The following SUPT3H variants were observed in gnomAD, a reference collection of about 807,000 sequenced individuals.
SUPT3H encodes SPT3 homolog, SAGA and STAGA complex component, also known as transcription initiation protein SPT3 homolog.
In SUPT3H, 44 loss-of-function variants were observed where a neutral mutation model predicts 44.3. The ratio of observed to expected loss-of-function variants is 0.99; its 90% confidence interval spans 0.78 to 1.28. The LOEUF (loss-of-function observed/expected upper bound fraction) is 1.28. Ranked by LOEUF, SUPT3H falls within the 50% of genes most tolerant of loss-of-function variation. The probability of loss-of-function intolerance (pLI) is 0.00; values close to 1 mark genes in which losing one functional copy is unlikely to be tolerated. For missense variants in SUPT3H, 380 were observed against 387.1 expected, an observed-to-expected ratio of 0.98 and a Z score of 0.15; for synonymous variants, 124 against 125.6, an observed-to-expected ratio of 0.99 and a Z score of 0.09.
chr6:45,277,307 AG>A (rs1361099548), intron 2 of SUPT3H, among the ~76,000 whole-genome samples: 1 of 152,208 alleles, frequency 6.6e-6, no homozygotes, highest in African/African-American at 2.4e-5. Flanking sequence ...TCCTTTACAA[AG>A]AAAAGGAGGT....
At chr6:45,337,156 A>T (rs1788736700) in intron 2 of SUPT3H, among the ~76,000 whole-genome samples, 1 of 151,772 alleles carries the variant, frequency 6.6e-6, no homozygotes, top group African/African-American at 2.4e-5. Context: ...TGAACTGCCC[A>T]TATGAACAGA....
intron 2 of SUPT3H, among the ~76,000 whole-genome samples, chr6:45,209,259 T>A (rs971709791): frequency 6.6e-6 from 1 of 152,144 alleles, no homozygotes; most frequent in African/African-American, 2.4e-5. Context: ...ACTTTCGAAA[T>A]CTATTTCATG....
At chr6:45,187,064 G>A (rs1218822343) in intron 2 of SUPT3H, among the ~76,000 whole-genome samples, 1 of 143,274 alleles carries the variant, frequency 7.0e-6, no homozygotes, top group Non-Finnish European at 1.5e-5. Context: ...GAGCCCTGGA[G>A]TCCAGCCTGG....
intron 2 of SUPT3H, among the ~76,000 whole-genome samples, chr6:45,215,753 G>C (rs986729746): frequency 3.3e-5 from 5 of 152,132 alleles, no homozygotes; most frequent in Admixed American, 1.3e-4. Context: ...ATACAGGAAA[G>C]GGCACAGAAA....
chr6:44,823,673 C>A (rs1767519363), downstream of SUPT3H, among the ~76,000 whole-genome samples: 1 of 152,106 alleles, frequency 6.6e-6, no homozygotes, highest in Non-Finnish European at 1.5e-5. Context: ...TATAAAACTG[C>A]TTGGCTGGCC....
intron 2 of SUPT3H, among the ~76,000 whole-genome samples, chr6:45,139,662 C>A (rs375261944): frequency 6.6e-6 from 1 of 152,036 alleles, no homozygotes. Context: ...ATTTACCTTA[C>A]GTAAAGCTGA....
chr6:44,910,453 C>T (rs1012413963), intron 10 of SUPT3H, among the ~76,000 whole-genome samples: 2 of 152,114 alleles, frequency 1.3e-5, no homozygotes, highest in African/African-American at 4.8e-5. Context: ...TCAAACAATG[C>T]ACATCCCCTT....
intron 3 of SUPT3H, among the ~76,000 whole-genome samples, chr6:45,043,816 G>A (rs1388380508): frequency 6.6e-6 from 1 of 152,092 alleles, no homozygotes; most frequent in Non-Finnish European, 1.5e-5. Flanking sequence ...ATTTATAATT[G>A]TTGGGGCATG....
rs898251590 is a variant in SUPT3H at position 44,956,433 on chromosome 6, G to C, written c.581-1826C>G. ...CGGAAGGTGGAGGTTGCAGTGAGCC[G>C]AGATGGCGCCACTGCACAACAAGAG... On this transcript the variant is annotated intron_variant, in intron 7 of 10. Transcript: ENST00000371459. Among the ~76,000 whole-genome samples, 3 of 139,348 alleles carry C rather than the reference G, an allele frequency of 2.2e-5. No homozygotes were observed. In the East Asian group the frequency reaches 6.9e-4, roughly 32 times the overall value. 91.4% of individuals were successfully genotyped at this position (139,348 alleles called of 152,430 possible).
At chr6:44,980,460 T>C (rs1288623592) in intron 6 of SUPT3H, among the ~76,000 whole-genome samples, 2 of 152,172 alleles carry the variant, frequency 1.3e-5, no homozygotes, top group African/African-American at 4.8e-5. Flanking sequence ...AGGATTCCCA[T>C]AGAATGCTTA....
chr6:45,154,732 AT>A (rs1374833792), intron 2 of SUPT3H, among the ~76,000 whole-genome samples: 1 of 152,118 alleles, frequency 6.6e-6, no homozygotes, highest in African/African-American at 2.4e-5. Context: ...CATCAACCCT[AT>A]CCCCAATGAG....
At chr6:45,035,137 T>C (rs1787485676) in intron 3 of SUPT3H, among the ~76,000 whole-genome samples, 1 of 152,202 alleles carries the variant, frequency 6.6e-6, no homozygotes, top group Non-Finnish European at 1.5e-5. Context: ...GTTTTTGGTG[T>C]AGGGTAAGAA....
At chr6:45,221,886 T>G (rs1322653440) in intron 2 of SUPT3H, among the ~76,000 whole-genome samples, 1 of 152,062 alleles carries the variant, frequency 6.6e-6, no homozygotes, top group Non-Finnish European at 1.5e-5. Context: ...AGTCTACATA[T>G]AACTACAACA....
intron 2 of SUPT3H, among the ~76,000 whole-genome samples, chr6:45,316,320 T>C (rs976725459): frequency 4.6e-5 from 7 of 151,346 alleles, no homozygotes; most frequent in Non-Finnish European, 7.4e-5. Flanking sequence ...CAATAACTTA[T>C]GGAAAAATAA....
chr6:45,010,013 C>T (rs1783252237), intron 5 of SUPT3H, among the ~76,000 whole-genome samples: 1 of 152,014 alleles, frequency 6.6e-6, no homozygotes, highest in South Asian at 2.1e-4. Flanking sequence ...GGCCTTCTTT[C>T]AACAATATTT....
At chr6:44,809,526 T>A (rs2153401967) in intron 11 of SUPT3H, 1 of 152,300 alleles carries the variant, frequency 6.6e-6, no homozygotes, top group East Asian at 1.9e-4. Flanking sequence ...AGAAATAAAA[T>A]CAGTGTTTAC....
At chr6:45,316,139 G>A (rs780459777) in intron 2 of SUPT3H, among the ~76,000 whole-genome samples, 6 of 152,124 alleles carry the variant, frequency 3.9e-5, no homozygotes, top group East Asian at 1.9e-4. Flanking sequence ...ACACAAAGGC[G>A]TAACAATGAT....
intron 9 of SUPT3H, among the ~76,000 whole-genome samples, chr6:44,937,781 G>GT (rs1224458978): frequency 1.8e-3 from 277 of 150,502 alleles, no homozygotes; most frequent in African/African-American, 6.5e-3. Flanking sequence ...ATTACTTGGT[G>GT]TTTTTTTGTT....
Position 45,153,984 on chromosome 6 carries a change from C to T in SUPT3H, c.102-47978G>A, listed in dbSNP as rs370888830. ...ACTCGGGAGGCTGAGGCAGGAGAAT[C>T]GCTTGAACCCGGGAGGCGGAGGTTC... On this transcript the variant is annotated intron_variant, in intron 2 of 10. Coordinates refer to ENST00000371459, the MANE Select transcript of SUPT3H (RefSeq NM_003599.4). 7.7e-4 allele frequency among the ~76,000 whole-genome samples: 111 copies of T among 144,028 alleles called. 1 individual carries two copies. The East Asian group carries it at 0.017, about 22-fold the overall frequency. The allele number at this position is 144,028 out of a possible 152,430, so 94.5% of individuals were successfully genotyped here. A position where few individuals can be genotyped will look rare whatever the true frequency, so the allele number is the denominator to read the frequency against.
Sources: gnomAD v4.1 joint callset for allele counts (sites outside exome capture counted in the v4.1 genomes callset) on GRCh38, gnomAD v4.1.1 for gene constraint, MANE v1.5 for transcripts, NCBI Gene and HGNC (gene_info 2026-07-23, HGNC 2026-07-21) for gene names.